SCN11A: variants seen among roughly 807,000 people sequenced by gnomAD.
SCN11A encodes sodium channel protein type 11 subunit alpha.
Under a neutral mutation model 162.2 loss-of-function variants are expected in SCN11A, and 122 were observed. That is an observed-to-expected ratio of 0.75 (90% CI 0.65 to 0.87). The LOEUF (loss-of-function observed/expected upper bound fraction) is 0.87, where lower values mean the gene tolerates loss of function less well. Ranked by LOEUF, SCN11A falls within the 40% of genes least tolerant of loss-of-function variation. SCN11A has a pLI of 0.00. For missense variants in SCN11A, 2,015 were observed against 2,181.6 expected, an observed-to-expected ratio of 0.92 and a Z score of 1.52; for synonymous variants, 758 against 751.5, an observed-to-expected ratio of 1.01 and a Z score of -0.14.
intron 22 of SCN11A, 59 bp from the exon 23 acceptor site, chr3:38,880,182 AACTTT>A: frequency 7.7e-7 from 1 of 1,290,468 alleles, no homozygotes; most frequent in Non-Finnish European, 1.1e-6. Context: ...ACTCCTTGGT[AACTTT>A]ACTTTTTGTT....
At chr3:39,007,928 G>C (rs1371350501) in intron 2 of SCN11A, among the ~76,000 whole-genome samples, 2 of 152,146 alleles carry the variant, frequency 1.3e-5, no homozygotes, top group Non-Finnish European at 2.9e-5. Flanking sequence ...TGAAATTGGG[G>C]GCAGTCTTAT....
chr3:38,926,701 C>A, intron 8 of SCN11A, 102 bp downstream of exon 8: 1 of 1,197,278 alleles, frequency 8.4e-7, no homozygotes, highest in South Asian at 1.5e-5. Context: ...CATTACTAGG[C>A]CATACTCAGC....
intron 2 of SCN11A, among the ~76,000 whole-genome samples, chr3:38,992,025 T>TCTCGAACTCCTGACCTCAGGTGATCTGCC (rs1217782040): frequency 6.6e-6 from 1 of 152,044 alleles, no homozygotes; most frequent in African/African-American, 2.4e-5. Flanking sequence ...GCCAGGCTGG[T>TCTCGAACTCCTGACCTCAGGTGATCTGCC]CTCGAACTCC....
chr3:38,974,709 A>AAAAAG (rs770656526), intron 2 of SCN11A, among the ~76,000 whole-genome samples: 13,320 of 128,490 alleles, frequency 0.1, 1,055 homozygotes, highest in East Asian at 0.19. Context: ...AAAAAAAAAA[A>AAAAAG]AAAAGAAAAG....
At chr3:38,949,903 TGC>T (rs2066575730) in intron 5 of SCN11A, among the ~76,000 whole-genome samples, 191 bp downstream of exon 5, 1 of 152,062 alleles carries the variant, frequency 6.6e-6, no homozygotes, top group Non-Finnish European at 1.5e-5. Flanking sequence ...ATACATGCAT[TGC>T]AGAGAAAAAA....
Position 38,907,953 on chromosome 3 carries a change from T to A in SCN11A, c.1469A>T (p.Lys490Ile). The A allele has an allele frequency of 6.3e-7, 1 of 1,599,064 alleles. No homozygotes were observed. The highest frequency in any genetic ancestry group is 8.5e-7 in the Non-Finnish European group (1 of 1,176,264). ...PGSDSDEDCQ[K>I]KPQLLEQTKR... The stretch of plus-strand genomic sequence containing the variant: ...AATTCCCTGGAAAAGACTTACCTTT[T>A]TTTGGCAATCTTCATCAGAATCTGA... Residue 490 changes from lysine (K) to isoleucine (I), a missense_variant, in exon 14 of 30, where the codon AAA becomes ATA. By Grantham distance (102) the Lys-to-Ile change is moderately radical (BLOSUM62 -3). Coordinates refer to ENST00000302328, the MANE Select transcript of SCN11A (RefSeq NM_001349253.2).
rs1330586722 is a variant in SCN11A, at chr3:38,871,373, T to G, written c.3759+72A>C. The G allele has an allele frequency of 2.1e-6, 3 of 1,403,378 alleles. No homozygotes were observed. In the African/African-American group the frequency reaches 4.3e-5, roughly 20 times the overall value. 86.9% of individuals were successfully genotyped at this position (1,403,378 alleles called of 1,614,324 possible). A position where few individuals can be genotyped will look rare whatever the true frequency, so the allele number is the denominator to read the frequency against. The stretch of plus-strand genomic sequence containing the variant: ...CACAATGGAGTCACTGCATTTTTAT[T>G]AGCTGAGAAACAATTCATGATTCTC... On this transcript the variant is annotated intron_variant, in intron 25 of 29. Coordinates refer to ENST00000302328, the MANE Select transcript of SCN11A (RefSeq NM_001349253.2).
At position 39,001,456 on chromosome 3, in the gene SCN11A, T is replaced by C. The variant is rs148511782; in HGVS notation, c.-280+30924A>G. On this transcript the variant is annotated intron_variant, in intron 2 of 29. Transcript: ENST00000302328. ...GCATGTTGTAGCATGTATCAGTATG[T>C]CATTCCTTTTTATGGCCAAATAATA... Among the ~76,000 whole-genome samples the C allele has an allele frequency of 3.1e-4, 47 of 152,378 alleles. No homozygotes were observed. The East Asian group carries it at 8.7e-3, about 28-fold the overall frequency.
chr3:38,852,716 C>T (rs369519266), intron 28 of SCN11A, among the ~76,000 whole-genome samples: 5 of 151,672 alleles, frequency 3.3e-5, no homozygotes, highest in African/African-American at 7.3e-5. Flanking sequence ...TCGTTTGTTT[C>T]GAGGGTCAAA....
At chr3:38,896,709 T>A in intron 18 of SCN11A, 136 bp downstream of exon 18, 1 of 810,842 alleles carries the variant, frequency 1.2e-6, no homozygotes, top group East Asian at 3.1e-5. Flanking sequence ...AAAATTTGAA[T>A]GAATATTTCA....
At chr3:39,027,260 C>G (rs1018974575) in intron 2 of SCN11A, among the ~76,000 whole-genome samples, 4 of 152,192 alleles carry the variant, frequency 2.6e-5, no homozygotes, top group Admixed American at 2.6e-4. Context: ...TTACTTAAGT[C>G]ATGCTTGCAA....
chr3:38,916,388 C>T (rs1045439509), intron 11 of SCN11A, among the ~76,000 whole-genome samples: 1 of 152,228 alleles, frequency 6.6e-6, no homozygotes, highest in African/African-American at 2.4e-5. Flanking sequence ...TTCATCACCA[C>T]TGTACATCTT....
At chr3:38,927,615 A>C (rs1465209582) in intron 7 of SCN11A, among the ~76,000 whole-genome samples, 2 of 152,114 alleles carry the variant, frequency 1.3e-5, no homozygotes, top group Non-Finnish European at 2.9e-5. Flanking sequence ...GATTTAATTG[A>C]CTCACAGTTC....
At chr3:38,922,992 T>C (rs2125550267) in intron 9 of SCN11A, among the ~76,000 whole-genome samples, 1 of 152,218 alleles carries the variant, frequency 6.6e-6, no homozygotes, top group Admixed American at 6.5e-5. Flanking sequence ...TTTTGTTTGT[T>C]TGTTTTAGTA....
chr3:38,998,258 A>G (rs1361553095), intron 2 of SCN11A, among the ~76,000 whole-genome samples: 7 of 152,194 alleles, frequency 4.6e-5, no homozygotes, highest in Non-Finnish European at 7.3e-5. Context: ...GGCAGCTTTT[A>G]TGAGCCATCC....
chr3:38,909,104 C>A lies in SCN11A; in HGVS notation c.1192G>T (p.Val398Phe). ...SFYLINLTLA[V>F]VTMAYEEQNK... ...TGCTCCTCATATGCCATGGTAACAACAGCCAGGGTTAAGTTAATCAGGTAG... is the reference window on the plus strand; with the variant it reads ...TGCTCCTCATATGCCATGGTAACAAAAGCCAGGGTTAAGTTAATCAGGTAG... Residue 398 changes from valine (V) to phenylalanine (F), a missense_variant, in exon 13 of 30, where the codon GTT becomes TTT. Transcript: ENST00000302328. 1.9e-6 allele frequency: 3 copies of A among 1,614,134 alleles called. No homozygotes were observed. Among genetic ancestry groups the A allele is most frequent in the Non-Finnish European group, 2.5e-6 (3 of 1,179,998 alleles).
At chr3:39,045,196 T>C (rs1019554063) in intron 1 of SCN11A, among the ~76,000 whole-genome samples, 2 of 152,204 alleles carry the variant, frequency 1.3e-5, no homozygotes, top group African/African-American at 4.8e-5. Flanking sequence ...ATGGCTTCAA[T>C]GCTGAGTTGC....
chr3:38,993,127 G>A (rs904123284), intron 2 of SCN11A, among the ~76,000 whole-genome samples: 5 of 152,212 alleles, frequency 3.3e-5, no homozygotes, highest in South Asian at 2.1e-4. Context: ...ACCTGTGACC[G>A]TGATTGTTTG....
intron 1 of SCN11A, among the ~76,000 whole-genome samples, chr3:39,034,162 A>AAAAAC (rs1443663395): frequency 6.6e-6 from 1 of 152,146 alleles, no homozygotes; most frequent in Non-Finnish European, 1.5e-5. Flanking sequence ...ACTCCATCTC[A>AAAAAC]AAAACAAAAC....
Sources: allele counts gnomAD v4.1 joint callset (sites outside exome capture counted in the v4.1 genomes callset), GRCh38; gene constraint gnomAD v4.1.1; transcripts MANE v1.5; gene names NCBI Gene and HGNC (gene_info 2026-07-23, HGNC 2026-07-21).